The following KSR2 variants were observed in gnomAD, a reference collection of about 807,000 sequenced individuals.
KSR2 encodes the protein kinase suppressor of ras 2.
Under a neutral mutation model 107.8 loss-of-function variants are expected in KSR2, and 25 were observed. That is an observed-to-expected ratio of 0.23 (90% CI 0.17 to 0.32). KSR2 has a LOEUF of 0.32. Ranked by LOEUF, KSR2 falls within the 10% of genes least tolerant of loss-of-function variation. KSR2 has a pLI of 1.00. For synonymous variants in KSR2, 480 were observed against 507.0 expected, an observed-to-expected ratio of 0.95 and a Z score of 0.71; for missense variants, 887 against 1,268.9, an observed-to-expected ratio of 0.70 and a Z score of 4.57.
intron 1 of KSR2, among the ~76,000 whole-genome samples, chr12:117,884,585 G>A (rs969080076): frequency 6.6e-6 from 1 of 152,232 alleles, no homozygotes; most frequent in Non-Finnish European, 1.5e-5. Context: ...ACTCAGAAGA[G>A]ATGCCAAAAA....
Position 117,467,102 on chromosome 12 carries a change from T to C in KSR2, c.*97A>G, listed in dbSNP as rs1871182562. The C allele has an allele frequency of 5.4e-6, 3 of 554,054 alleles. No homozygotes were observed. Among genetic ancestry groups the C allele is most frequent in the East Asian group, 3.1e-5 (1 of 31,932 alleles). 34.3% of individuals were successfully genotyped at this position (554,054 alleles called of 1,614,324 possible). ...GTCGGTCGGGGTTGGTACCCTCTGA[T>C]GCTGAGTCTCTGGCCTCCTGAGCTG... On this transcript the variant is annotated 3_prime_UTR_variant, in exon 20 of 20. Coordinates refer to ENST00000339824, the MANE Select transcript of KSR2 (RefSeq NM_173598.6).
At chr12:117,724,312 CAAAAA>C (rs57095721) in intron 4 of KSR2, among the ~76,000 whole-genome samples, 5 of 111,896 alleles carry the variant, frequency 4.5e-5, no homozygotes, top group East Asian at 2.9e-4. Context: ...CACCCTGTCT[CAAAAA>C]AAAAAAAAAA....
At chr12:117,883,460 C>T (rs145744406) in intron 1 of KSR2, among the ~76,000 whole-genome samples, 16 of 152,190 alleles carry the variant, frequency 1.1e-4, no homozygotes, top group African/African-American at 3.6e-4. Flanking sequence ...AGGCTTGGTC[C>T]CTGCCCCCAT....
intron 3 of KSR2, among the ~76,000 whole-genome samples, chr12:117,771,042 T>C (rs188390910): frequency 5.9e-4 from 90 of 152,042 alleles, no homozygotes; most frequent in African/African-American, 2.0e-3. Context: ...ATGCATGTAT[T>C]CAATCCTCCG....
intron 4 of KSR2, among the ~76,000 whole-genome samples, chr12:117,708,202 C>A (rs1886605439): frequency 1.3e-5 from 2 of 152,156 alleles, no homozygotes; most frequent in African/African-American, 4.8e-5. Context: ...TTAATTAAAC[C>A]ATTGTGATTC....
chr12:117,484,644 G>A, intron 15 of KSR2, 95 bp from the exon 16 acceptor site: 1 of 1,278,220 alleles, frequency 7.8e-7, no homozygotes, highest in Non-Finnish European at 1.1e-6. Context: ...TGAAGACTTG[G>A]CTCCCTAATG....
intron 10 of KSR2, chr12:117,539,453 C>T: frequency 7.0e-6 from 3 of 431,226 alleles, no homozygotes; most frequent in Middle Eastern, 5.6e-4. Context: ...TCCTGCACCT[C>T]TTTGAGCCTC....
intron 7 of KSR2, among the ~76,000 whole-genome samples, chr12:117,570,535 T>C (rs939143201): frequency 1.3e-5 from 2 of 152,172 alleles, no homozygotes; most frequent in African/African-American, 4.8e-5. Context: ...GAACAAGAAC[T>C]ACAGAAAAGG....
intron 1 of KSR2, among the ~76,000 whole-genome samples, chr12:117,963,435 A>G (rs1896712757): frequency 6.6e-6 from 1 of 151,928 alleles, no homozygotes; most frequent in African/African-American, 2.4e-5. Flanking sequence ...CCTTGTCTCT[A>G]TTTAAAAAAT....
At chr12:117,864,203 A>G (rs1893400991) in intron 1 of KSR2, among the ~76,000 whole-genome samples, 1 of 152,172 alleles carries the variant, frequency 6.6e-6, no homozygotes, top group Admixed American at 6.5e-5. Context: ...CAAGAAGAGC[A>G]TCCAGAAATA....
chr12:117,681,519 A>T (rs1246932867), intron 4 of KSR2, among the ~76,000 whole-genome samples: 4 of 152,172 alleles, frequency 2.6e-5, no homozygotes, highest in Non-Finnish European at 4.4e-5. Flanking sequence ...GTAAGTGACG[A>T]GGAGAGGGGC....
Position 117,761,221 on chromosome 12 carries a change from C to T in KSR2, c.776G>A (p.Arg259His), listed in dbSNP as rs771081121. The T allele has an allele frequency of 9.0e-6, 14 of 1,552,734 alleles. No homozygotes were observed. Among genetic ancestry groups the T allele is most frequent in the Middle Eastern group, 1.7e-4 (1 of 5,750 alleles). Reference sequence around the variant, plus strand: ...GATGTTGGGGGTGCGCGGCGGGGTGCGGACCGCGTGCCGCTGCCGGGGCGA... The same window carrying T: ...GATGTTGGGGGTGCGCGGCGGGGTGTGGACCGCGTGCCGCTGCCGGGGCGA... ...PPSPRQRHAV[R>H]TPPRTPNIVT... The change falls in exon 4 of 20, where the codon CGC becomes CAC. Residue 259 changes from arginine to histidine, a missense_variant. Arg to His is a conservative substitution (Grantham distance 29, BLOSUM62 0). Coordinates refer to ENST00000339824, the MANE Select transcript of KSR2 (RefSeq NM_173598.6).
chr12:117,540,148 AC>A (rs1391364800), intron 9 of KSR2, among the ~76,000 whole-genome samples: 1 of 151,876 alleles, frequency 6.6e-6, no homozygotes, highest in East Asian at 1.9e-4. Flanking sequence ...CGTAATGAAA[AC>A]CAAACAGGTG....
chr12:117,674,384 T>G, intron 4 of KSR2: 1 of 460,018 alleles, frequency 2.2e-6, no homozygotes. Flanking sequence ...GAACGTAAAA[T>G]TCACCATTTT....
chr12:117,929,567 A>G (rs1895640017), intron 1 of KSR2, among the ~76,000 whole-genome samples: 1 of 152,210 alleles, frequency 6.6e-6, no homozygotes, highest in Admixed American at 6.5e-5. Context: ...ACAGACTAAT[A>G]CAAGCATTAT....
At chr12:117,678,199 C>T (rs1002052540) in intron 4 of KSR2, among the ~76,000 whole-genome samples, 6 of 151,478 alleles carry the variant, frequency 4.0e-5, no homozygotes, top group African/African-American at 1.5e-4. Flanking sequence ...GATCCACCCA[C>T]CTCACACGCC....
At chr12:117,649,392 C>T (rs546935150) in intron 5 of KSR2, among the ~76,000 whole-genome samples, 14 of 152,270 alleles carry the variant, frequency 9.2e-5, no homozygotes, top group African/African-American at 1.2e-4. Flanking sequence ...TAGGGTGGGG[C>T]GATATCCAGC....
In KSR2 at chr12:117,798,709, C is replaced by CAA. The variant is rs749755380; in HGVS notation, c.473-37187_473-37186dup. On this transcript the variant is annotated intron_variant, in intron 3 of 19. Coordinates refer to ENST00000339824, the MANE Select transcript of KSR2 (RefSeq NM_173598.6). ...AAAAGGGGGAGGTAGGCAAAAAGTC[C>CAA]AAAAAAAAAAAATATATATATATAT... Among the ~76,000 whole-genome samples, 952 of 117,086 alleles carry CAA rather than the reference C, an allele frequency of 8.1e-3. 10 individuals are homozygous for CAA. Among genetic ancestry groups the CAA allele is most frequent in the South Asian group, 0.029 (103 of 3,548 alleles). 76.8% of individuals were successfully genotyped at this position (117,086 alleles called of 152,430 possible).
chr12:117,870,036 G>C (rs1167265098), intron 1 of KSR2, among the ~76,000 whole-genome samples: 2 of 152,230 alleles, frequency 1.3e-5, no homozygotes, highest in Non-Finnish European at 1.5e-5. Context: ...GGGAGCACCA[G>C]GGTGTGATCC....
Sources: allele counts gnomAD v4.1 joint callset (sites outside exome capture counted in the v4.1 genomes callset), GRCh38; gene constraint gnomAD v4.1.1; transcripts MANE v1.5; gene names NCBI Gene and HGNC (gene_info 2026-07-23, HGNC 2026-07-21).